The following PDE1C variants were observed in gnomAD, a reference collection of about 807,000 sequenced individuals.
PDE1C encodes the protein phosphodiesterase 1C, also known as dual specificity calcium/calmodulin-dependent 3',5'-cyclic nucleotide phosphodiesterase 1C.
In PDE1C, 62 loss-of-function variants were observed where a neutral mutation model predicts 93.1. The observed-to-expected ratio is 0.67, with a 90% confidence interval of 0.54 to 0.82. The LOEUF (loss-of-function observed/expected upper bound fraction) is 0.82. PDE1C is among the 40% of genes least tolerant of loss of function. PDE1C has a pLI of 0.00. For synonymous variants in PDE1C, 325 were observed against 310.1 expected, an observed-to-expected ratio of 1.05 and a Z score of -0.50; for missense variants, 742 against 884.6, an observed-to-expected ratio of 0.84 and a Z score of 2.04.
chr7:31,857,517 C>T (rs1436588333), intron 7 of PDE1C, among the ~76,000 whole-genome samples: 1 of 152,082 alleles, frequency 6.6e-6, no homozygotes, highest in Non-Finnish European at 1.5e-5. Flanking sequence ...TGCAAAGGTA[C>T]ATCAGCCATT....
intron 2 of PDE1C, among the ~76,000 whole-genome samples, chr7:31,939,448 T>C (rs902748444): frequency 1.3e-5 from 2 of 152,108 alleles, no homozygotes; most frequent in African/African-American, 2.4e-5. Context: ...TGATATGATT[T>C]TGGTTGAAGT....
intron 2 of PDE1C, among the ~76,000 whole-genome samples, chr7:32,194,026 T>A (rs1168836363): frequency 6.7e-6 from 1 of 148,812 alleles, no homozygotes; most frequent in South Asian, 2.3e-4. Flanking sequence ...GCCATACTCC[T>A]GCCTCAGCCT....
At chr7:31,931,599 A>C (rs1192517536) in intron 2 of PDE1C, among the ~76,000 whole-genome samples, 1 of 152,240 alleles carries the variant, frequency 6.6e-6, no homozygotes, top group African/African-American at 2.4e-5. Flanking sequence ...GCACACAAAC[A>C]AATGGAAAAA....
At chr7:32,054,053 G>C (rs1793728684) in intron 1 of PDE1C, among the ~76,000 whole-genome samples, 2 of 151,932 alleles carry the variant, frequency 1.3e-5, no homozygotes, top group African/African-American at 4.8e-5. Flanking sequence ...GAGGTAGCAG[G>C]AAATAAGGCT....
intron 2 of PDE1C, among the ~76,000 whole-genome samples, chr7:31,959,113 T>C (rs928199575): frequency 5.9e-5 from 9 of 152,246 alleles, no homozygotes; most frequent in African/African-American, 1.9e-4. Context: ...TATTGCTAGT[T>C]TTATGATTTA....
intron 2 of PDE1C, among the ~76,000 whole-genome samples, chr7:32,007,715 AT>A: frequency 6.6e-6 from 1 of 152,094 alleles, no homozygotes; most frequent in Non-Finnish European, 1.5e-5. Context: ...CATTCCACGT[AT>A]TTTACCTTTT....
Position 32,084,509 on chromosome 7 carries a change from A to C in PDE1C, c.308+85276T>G, listed in dbSNP as rs534352429. 7.3e-5 allele frequency among the ~76,000 whole-genome samples: 11 copies of C among 150,140 alleles called. 2 individuals carry two copies. In the South Asian group the frequency reaches 2.4e-3, roughly 32 times the overall value. On this transcript the variant is annotated intron_variant, in intron 3 of 18. Transcript: ENST00000396193. ...GCTCTGCACCAAGCAGACCTAATAG[A>C]CATCTACAGAACTCTCCACCCCAAA...
chr7:31,865,060 G>C lies in PDE1C; in HGVS notation c.632C>G (p.Ser211Ter). The change falls in exon 7 of 18, where the codon TCA becomes TGA. Residue 211 changes from serine (S) to a stop codon, truncating the protein, a stop_gained. Transcript: ENST00000396191. LOFTEE classifies it high-confidence loss of function. ...RFKIPISALV[S>*]FVEALEVGYS... Reference sequence around the variant, plus strand: ...TCCCACTTCCAGGGCCTCCACAAATGAGACAAGTGCAGAAATGGGGATCTG... The same window carrying C: ...TCCCACTTCCAGGGCCTCCACAAATCAGACAAGTGCAGAAATGGGGATCTG... 6.2e-7 allele frequency: 1 copy of C among 1,614,096 alleles called. No individual in the cohort carries two copies. Among genetic ancestry groups the C allele is most frequent in the Non-Finnish European group, 8.5e-7 (1 of 1,179,974 alleles).
At chr7:31,665,325 T>C in the PDE1C span, among the ~76,000 whole-genome samples, 3,485 of 152,298 alleles carry the variant, frequency 0.023, 140 homozygotes, top group African/African-American at 0.079. Context: ...CTGCACAGTC[T>C]ATATCCATTG....
the PDE1C span, chr7:31,692,416 G>A: frequency 6.4e-7 from 1 of 1,558,848 alleles, no homozygotes; most frequent in Admixed American, 1.7e-5. Flanking sequence ...TGCTGGAGAA[G>A]AAATACATCC....
chr7:32,055,638 C>A (rs1312860290), intron 1 of PDE1C, among the ~76,000 whole-genome samples: 1 of 151,942 alleles, frequency 6.6e-6, no homozygotes, highest in Non-Finnish European at 1.5e-5. Flanking sequence ...GAAAAAAAAC[C>A]CCAGTTTATT....
intron 2 of PDE1C, among the ~76,000 whole-genome samples, chr7:32,207,575 A>C (rs558530997): frequency 3.3e-5 from 5 of 152,094 alleles, no homozygotes; most frequent in Non-Finnish European, 7.4e-5. Flanking sequence ...GTGCCATCTG[A>C]CTTTTTCCGG....
At chr7:32,424,657 T>C (rs918282529) in intron 1 of PDE1C, among the ~76,000 whole-genome samples, 1 of 151,840 alleles carries the variant, frequency 6.6e-6, no homozygotes, top group African/African-American at 2.4e-5. Flanking sequence ...AATAGATATA[T>C]ATAAATTAGC....
intron 1 of PDE1C, among the ~76,000 whole-genome samples, chr7:32,060,868 C>T (rs1794722019): frequency 6.6e-6 from 1 of 152,044 alleles, no homozygotes; most frequent in Non-Finnish European, 1.5e-5. Context: ...GTTTAAATTC[C>T]TCACAGTTAG....
chr7:31,893,515 T>C, intron 2 of PDE1C: 2 of 983,978 alleles, frequency 2.0e-6, no homozygotes, highest in South Asian at 4.7e-5. Flanking sequence ...CCACCTCCCT[T>C]TCTTTGTAGA....
At chr7:31,840,335 G>A (rs1791696103) in intron 9 of PDE1C, among the ~76,000 whole-genome samples, 1 of 151,950 alleles carries the variant, frequency 6.6e-6, no homozygotes, top group Non-Finnish European at 1.5e-5. Context: ...TTATTATTGA[G>A]TTATAAAAGT....
At chr7:31,938,929 T>C (rs971137350) in intron 2 of PDE1C, among the ~76,000 whole-genome samples, 6 of 152,136 alleles carry the variant, frequency 3.9e-5, no homozygotes, top group South Asian at 2.1e-4. Context: ...CACAGCATCA[T>C]TGTCAAGAGC....
chr7:32,330,434 G>C (rs1443233538), intron 1 of PDE1C, among the ~76,000 whole-genome samples: 1 of 152,252 alleles, frequency 6.6e-6, no homozygotes, highest in Non-Finnish European at 1.5e-5. Flanking sequence ...GCTAAGCACA[G>C]ACTCTCCAAA....
chr7:32,296,084 T>C (rs1463475676), intron 1 of PDE1C, among the ~76,000 whole-genome samples: 2 of 152,198 alleles, frequency 1.3e-5, no homozygotes, highest in African/African-American at 2.4e-5. Flanking sequence ...TCAAACATTC[T>C]GATTTCATTT....
Sources: gnomAD v4.1 joint callset for allele counts (sites outside exome capture counted in the v4.1 genomes callset) on GRCh38, gnomAD v4.1.1 for gene constraint, MANE v1.5 for transcripts, NCBI Gene and HGNC (gene_info 2026-07-23, HGNC 2026-07-21) for gene names.